The following NRXN1 variants were observed in gnomAD, a reference collection of about 807,000 sequenced individuals.
NRXN1 encodes the protein neurexin-1.
A neutral mutation model predicts 150.9 loss-of-function variants in NRXN1; 39 were observed. That is an observed-to-expected ratio of 0.26 (90% CI 0.20 to 0.34). The LOEUF is 0.34. Among genes scored for constraint, NRXN1 ranks in the 10% least tolerant of loss-of-function variants. NRXN1 has a pLI of 1.00. For missense variants in NRXN1, 1,815 were observed against 1,949.9 expected, an observed-to-expected ratio of 0.93 and a Z score of 1.30; for synonymous variants, 924 against 757.0, an observed-to-expected ratio of 1.22 and a Z score of -3.62.
chr2:50,873,221 A>T (rs1248566999), intron 5 of NRXN1, among the ~76,000 whole-genome samples: 4 of 151,848 alleles, frequency 2.6e-5, no homozygotes, highest in Admixed American at 1.3e-4. Flanking sequence ...TAACATTTAT[A>T]AAGCCGTAAG....
At chr2:50,929,431 CA>C (rs1301942894) in intron 2 of NRXN1, among the ~76,000 whole-genome samples, 1 of 151,938 alleles carries the variant, frequency 6.6e-6, no homozygotes, top group Non-Finnish European at 1.5e-5. Context: ...AAAAAATGAC[CA>C]AAAGAAGCTT....
chr2:51,015,162 C>G (rs920602311), intron 2 of NRXN1, among the ~76,000 whole-genome samples: 1 of 152,030 alleles, frequency 6.6e-6, no homozygotes, highest in Admixed American at 6.6e-5. Flanking sequence ...TCTGTTAACT[C>G]TTCTCTGTGT....
chr2:49,933,775 C>A (rs769215328), intron 22 of NRXN1, among the ~76,000 whole-genome samples: 98 of 152,304 alleles, frequency 6.4e-4, no homozygotes, highest in Admixed American at 1.4e-3. Flanking sequence ...ACATCTTCCA[C>A]ACAGAAGGTA....
Position 51,027,560 on chromosome 2 carries a change from G to A in NRXN1, c.714C>T (p.Asp238=), listed in dbSNP as rs375389499. The change falls in exon 2 of 23, where the codon GAC becomes GAT. Residue 238 remains aspartate, a synonymous_variant. Coordinates refer to ENST00000401669, the MANE Select transcript of NRXN1 (RefSeq NM_001330078.2). ...CLNGGVCSVV[D]DQAVCDCSRT... is the part of the protein sequence containing the mutation. ...GCGAGCAGTCGCACACGGCCTGGTC[G>A]TCCACCACGGAGCACACACCTCCGT... The A allele has an allele frequency of 6.3e-7, 1 of 1,596,096 alleles. No homozygotes were observed. Among genetic ancestry groups the A allele is most frequent in the South Asian group, 1.1e-5 (1 of 90,096 alleles).
chr2:50,921,761 C>T, intron 5 of NRXN1, 108 bp downstream of exon 5: 2 of 436,456 alleles, frequency 4.6e-6, no homozygotes, highest in Non-Finnish European at 8.3e-6. Context: ...CATATACCTA[C>T]CTCCCAGTGC....
At chr2:49,934,224 T>G (rs2104250152) in intron 22 of NRXN1, among the ~76,000 whole-genome samples, 1 of 152,286 alleles carries the variant, frequency 6.6e-6, no homozygotes, top group South Asian at 2.1e-4. Context: ...ACTCCTTTGA[T>G]TAGGTTTCAT....
chr2:50,372,554 T>A (rs1359723426), intron 17 of NRXN1, among the ~76,000 whole-genome samples: 1 of 151,940 alleles, frequency 6.6e-6, no homozygotes, highest in Non-Finnish European at 1.5e-5. Context: ...AGAGGTTGAG[T>A]CAGAAACAAA....
chr2:50,398,689 ATGGGCACTGCCT>A (rs2082203414), intron 17 of NRXN1, among the ~76,000 whole-genome samples: 1 of 152,124 alleles, frequency 6.6e-6, no homozygotes, highest in South Asian at 2.1e-4. Flanking sequence ...CATTAGACTA[ATGGGCACTGCCT>A]TTGGACAGGA....
intron 8 of NRXN1, among the ~76,000 whole-genome samples, chr2:50,573,028 C>A (rs1670879523): frequency 6.6e-6 from 1 of 152,060 alleles, no homozygotes; most frequent in South Asian, 2.1e-4. Context: ...GGATAATATG[C>A]AATGTACTTT....
At chr2:50,936,738 GA>G (rs1688603607) in intron 2 of NRXN1, among the ~76,000 whole-genome samples, 1 of 152,050 alleles carries the variant, frequency 6.6e-6, no homozygotes, top group Admixed American at 6.6e-5. Context: ...AGAGCAATAT[GA>G]AAACTATTCT....
At chr2:49,975,744 C>G (rs1160786403) in intron 21 of NRXN1, among the ~76,000 whole-genome samples, 15 of 152,078 alleles carry the variant, frequency 9.9e-5, no homozygotes, top group Non-Finnish European at 1.5e-5. Flanking sequence ...AACATCAACA[C>G]TAAACCTATT....
At chr2:49,978,705 G>A (rs987018618) in intron 21 of NRXN1, among the ~76,000 whole-genome samples, 5 of 99,022 alleles carry the variant, frequency 5.0e-5, no homozygotes, top group African/African-American at 1.5e-4. Flanking sequence ...AAAAAGAAAA[G>A]AGAGGCCACA....
At chr2:50,979,430 A>T (rs1696425635) in intron 2 of NRXN1, among the ~76,000 whole-genome samples, 1 of 152,166 alleles carries the variant, frequency 6.6e-6, no homozygotes, top group African/African-American at 2.4e-5. Context: ...TATTCAGGAC[A>T]TGAAACCAGG....
chr2:50,486,055 G>A (rs950563643), intron 15 of NRXN1, among the ~76,000 whole-genome samples: 1 of 152,066 alleles, frequency 6.6e-6, no homozygotes, highest in African/African-American at 2.4e-5. Flanking sequence ...CCTTAACAGT[G>A]AACCCAAACA....
intron 18 of NRXN1, among the ~76,000 whole-genome samples, chr2:50,216,805 A>G (rs2063433407): frequency 6.6e-6 from 1 of 152,078 alleles, no homozygotes; most frequent in Non-Finnish European, 1.5e-5. Context: ...TGGATTTCAG[A>G]TTTGGGTGTG....
chr2:49,974,177 C>T (rs1230751559), intron 21 of NRXN1: 3 of 709,780 alleles, frequency 4.2e-6, no homozygotes, highest in South Asian at 1.5e-5. Flanking sequence ...GCCCTGCACA[C>T]AGATGGGCGA....
intron 17 of NRXN1, among the ~76,000 whole-genome samples, chr2:50,316,319 T>C (rs1232636544): frequency 6.6e-6 from 1 of 152,044 alleles, no homozygotes; most frequent in Non-Finnish European, 1.5e-5. Context: ...GGACTCTACC[T>C]GGTGACTTGT....
chr2:50,658,240 C>T (rs1686773650), intron 5 of NRXN1, among the ~76,000 whole-genome samples: 1 of 151,924 alleles, frequency 6.6e-6, no homozygotes, highest in African/African-American at 2.4e-5. Flanking sequence ...ATCTGATACA[C>T]CCTCAAAACA....
At chr2:50,216,234 T>A (rs1284606595) in intron 18 of NRXN1, among the ~76,000 whole-genome samples, 2 of 151,840 alleles carry the variant, frequency 1.3e-5, no homozygotes, top group African/African-American at 4.8e-5. Context: ...AATAAATAAT[T>A]AAATTAAATT....
Sources: allele counts gnomAD v4.1 joint callset (sites outside exome capture counted in the v4.1 genomes callset), GRCh38; gene constraint gnomAD v4.1.1; transcripts MANE v1.5; gene names NCBI Gene and HGNC (gene_info 2026-07-23, HGNC 2026-07-21).